The following EPB41L4B variants were observed in gnomAD, a reference collection of about 807,000 sequenced individuals.
EPB41L4B encodes the protein band 4.1-like protein 4B.
A neutral mutation model predicts 112.5 loss-of-function variants in EPB41L4B; 30 were observed. The ratio of observed to expected loss-of-function variants is 0.27; its 90% CI spans 0.20 to 0.36. The LOEUF (loss-of-function observed/expected upper bound fraction) is 0.36, where lower values mean the gene tolerates loss of function less well. EPB41L4B is among the 10% of genes least tolerant of loss of function. EPB41L4B has a pLI of 1.00. For missense variants in EPB41L4B, 1,024 were observed against 1,133.3 expected (o/e 0.90, Z 1.38); for synonymous variants, 408 against 439.7 (o/e 0.93, Z 0.90).
intron 1 of EPB41L4B, among the ~76,000 whole-genome samples, chr9:109,287,427 G>A (rs1267378450): frequency 1.3e-5 from 2 of 152,192 alleles, no homozygotes; most frequent in Admixed American, 6.5e-5. Flanking sequence ...AATCTCATTA[G>A]TCTCAATAGC....
At chr9:109,234,378 C>A (rs771092354) in intron 15 of EPB41L4B, among the ~76,000 whole-genome samples, 1 of 152,180 alleles carries the variant, frequency 6.6e-6, no homozygotes, top group Non-Finnish European at 1.5e-5. Flanking sequence ...GGAGTTGATG[C>A]AGCTTAAATG....
intron 1 of EPB41L4B, among the ~76,000 whole-genome samples, chr9:109,288,716 C>G (rs1316186574): frequency 1.7e-5 from 1 of 57,948 alleles, no homozygotes; most frequent in Non-Finnish European, 3.0e-5. Flanking sequence ...GAGCGAGACT[C>G]CGTCTCAAAA....
intron 14 of EPB41L4B, among the ~76,000 whole-genome samples, chr9:109,243,954 C>A (rs914055666): frequency 9.8e-5 from 15 of 152,292 alleles, no homozygotes; most frequent in Non-Finnish European, 1.3e-4. Context: ...GGTGACAACA[C>A]CGGCCTTGAA....
At chr9:109,236,072 G>A (rs1834130836) in intron 15 of EPB41L4B, among the ~76,000 whole-genome samples, 1 of 152,188 alleles carries the variant, frequency 6.6e-6, no homozygotes, top group African/African-American at 2.4e-5. Flanking sequence ...GGCTGGCAAT[G>A]TCTTGCCATT....
chr9:109,255,746 A>C, intron 10 of EPB41L4B, 28 bp downstream of exon 10: 1 of 1,612,624 alleles, frequency 6.2e-7, no homozygotes, highest in Non-Finnish European at 8.5e-7. Context: ...TTTCACAGCA[A>C]GGGGGAAGAA....
chr9:109,268,515 C>T, intron 2 of EPB41L4B, 82 bp from the exon 3 acceptor site: 1 of 1,285,172 alleles, frequency 7.8e-7, no homozygotes. Context: ...CCTCTAAAAG[C>T]CTTAGTAATT....
chr9:109,296,488 A>C (rs112419992), intron 1 of EPB41L4B, among the ~76,000 whole-genome samples: 44 of 152,344 alleles, frequency 2.9e-4, no homozygotes, highest in African/African-American at 1.0e-3. Context: ...TAAAAGGATT[A>C]TATGAAATGA....
intron 25 of EPB41L4B, among the ~76,000 whole-genome samples, chr9:109,174,921 T>G (rs1831761000): frequency 1.4e-5 from 2 of 141,994 alleles, no homozygotes; most frequent in East Asian, 2.0e-4. Flanking sequence ...TGTTTTTTTT[T>G]TTTTTTTTTT....
At chr9:109,264,094 TACAC>T (rs1176342673) in intron 5 of EPB41L4B, among the ~76,000 whole-genome samples, 1 of 151,978 alleles carries the variant, frequency 6.6e-6, no homozygotes, top group African/African-American at 2.4e-5. Flanking sequence ...ACACTCATAA[TACAC>T]ACACCAACCA....
At chr9:109,237,741 G>GT (rs1473627376) in intron 15 of EPB41L4B, among the ~76,000 whole-genome samples, 1 of 152,028 alleles carries the variant, frequency 6.6e-6, no homozygotes, top group Non-Finnish European at 1.5e-5. Flanking sequence ...GATGAACAAG[G>GT]TTACCAGCCC....
At chr9:109,318,376 C>T (rs1016670157) in intron 1 of EPB41L4B, among the ~76,000 whole-genome samples, 1 of 152,148 alleles carries the variant, frequency 6.6e-6, no homozygotes, top group Non-Finnish European at 1.5e-5. Context: ...TGGAATCAGT[C>T]AGCCTTCCTG....
intron 16 of EPB41L4B, among the ~76,000 whole-genome samples, chr9:109,214,930 G>A (rs1401933902): frequency 6.6e-6 from 1 of 152,224 alleles, no homozygotes; most frequent in Non-Finnish European, 1.5e-5. Flanking sequence ...CCCTTAGGAG[G>A]CTGTTATGGT....
rs2119313761 is a variant in EPB41L4B, at chr9:109,320,484, T to C, written c.-38A>G. ...CGCCCCCTGCCTCCGCCCCCTGCGCTGCCGCTGCCGCTGCCGCTGCCGCTG... is the reference window on the plus strand; with the variant it reads ...CGCCCCCTGCCTCCGCCCCCTGCGCCGCCGCTGCCGCTGCCGCTGCCGCTG... On this transcript the variant is annotated 5_prime_UTR_variant, in exon 1 of 26. Coordinates refer to ENST00000374566, the MANE Select transcript of EPB41L4B (RefSeq NM_019114.5). 6.6e-6 allele frequency: 5 copies of C among 760,842 alleles called. No individual in the cohort carries two copies. The highest frequency in any genetic ancestry group is 7.9e-6 in the Non-Finnish European group (5 of 630,160). 47.1% of individuals were successfully genotyped at this position (760,842 alleles called of 1,614,324 possible).
Position 109,174,233 on chromosome 9 carries a change from C to A in EPB41L4B, c.*321G>T, listed in dbSNP as rs59755208. 1 of 209,778 alleles carries A rather than the reference C, an allele frequency of 4.8e-6. No homozygotes were observed. Among genetic ancestry groups the A allele is most frequent in the African/African-American group, 2.3e-5 (1 of 44,044 alleles). 13.0% of individuals were successfully genotyped at this position (209,778 alleles called of 1,614,324 possible). ...TGGTTGAAATTGATAGTAAAAGATC[C>A]TACATCATATTAACCCCTGTGGTTA... On this transcript the variant is annotated 3_prime_UTR_variant, in exon 26 of 26. Transcript: ENST00000374566.
chr9:109,310,681 T>A (rs1837385447), intron 1 of EPB41L4B, among the ~76,000 whole-genome samples: 1 of 152,084 alleles, frequency 6.6e-6, no homozygotes, highest in African/African-American at 2.4e-5. Context: ...GGTGTCAGAA[T>A]CCAAGAATAA....
intron 24 of EPB41L4B, 29 bp downstream of exon 24, chr9:109,182,700 A>AT (rs766592594): frequency 6.4e-7 from 1 of 1,562,056 alleles, no homozygotes; most frequent in South Asian, 1.1e-5. Flanking sequence ...AGGGTTTAAA[A>AT]TGCACATCTG....
intron 1 of EPB41L4B, among the ~76,000 whole-genome samples, chr9:109,305,073 T>C (rs770534042): frequency 1.3e-5 from 2 of 152,022 alleles, no homozygotes; most frequent in East Asian, 1.9e-4. Context: ...AGGTCAATAA[T>C]GCCATCTATT....
rs1588250287 is a variant in EPB41L4B, at chr9:109,320,488, G to T, written c.-42C>A. On this transcript the variant is annotated 5_prime_UTR_variant, in exon 1 of 26. Coordinates refer to ENST00000374566, the MANE Select transcript of EPB41L4B (RefSeq NM_019114.5). ...CCCTGCCTCCGCCCCCTGCGCTGCCGCTGCCGCTGCCGCTGCCGCTGCGCC... is the reference window on the plus strand; with the variant it reads ...CCCTGCCTCCGCCCCCTGCGCTGCCTCTGCCGCTGCCGCTGCCGCTGCGCC... 1.3e-6 allele frequency: 1 copy of T among 779,900 alleles called. No homozygotes were observed. Among genetic ancestry groups the T allele is most frequent in the Non-Finnish European group, 1.5e-6 (1 of 645,704 alleles). 48.3% of individuals were successfully genotyped at this position (779,900 alleles called of 1,614,324 possible).
At chr9:109,263,756 CT>C (rs1468865545) in intron 5 of EPB41L4B, among the ~76,000 whole-genome samples, 3 of 152,122 alleles carry the variant, frequency 2.0e-5, no homozygotes, top group African/African-American at 7.2e-5. Context: ...GTTTGTAAAC[CT>C]TTAGGATAGG....
Sources: gnomAD v4.1 joint callset for allele counts (sites outside exome capture counted in the v4.1 genomes callset) on GRCh38, gnomAD v4.1.1 for gene constraint, MANE v1.5 for transcripts, NCBI Gene and HGNC (gene_info 2026-07-23, HGNC 2026-07-21) for gene names.